Variants in SSH2 observed in about 807,000 individuals in gnomAD.
SSH2 encodes the protein slingshot protein phosphatase 2.
SSH2 carries 37 observed loss-of-function variants against 135.2 expected under a neutral mutation model. The ratio of observed to expected loss-of-function variants is 0.27; its 90% CI spans 0.21 to 0.36. The LOEUF is 0.36. Among genes scored for constraint, SSH2 ranks in the 10% least tolerant of loss-of-function variants. The pLI is 1.00. For synonymous variants in SSH2, 628 were observed against 646.2 expected (o/e 0.97, Z 0.43); for missense variants, 1,408 against 1,765.3 (o/e 0.80, Z 3.63).
At chr17:29,761,871 G>GTA (rs1194445461) in intron 3 of SSH2, among the ~76,000 whole-genome samples, 14 of 98,774 alleles carry the variant, frequency 1.4e-4, no homozygotes, top group African/African-American at 5.6e-4. Flanking sequence ...GTGTGTGTGT[G>GTA]TATATATATA....
At chr17:29,636,831 T>C in intron 14 of SSH2, 29 bp from the exon 15 acceptor site, 2 of 1,480,994 alleles carry the variant, frequency 1.4e-6, no homozygotes, top group Non-Finnish European at 1.8e-6. Flanking sequence ...GGAAGTATCT[T>C]AATCTGGTTT....
chr17:29,895,215 TATTTTATAAATAC>T (rs888869222), intron 1 of SSH2, among the ~76,000 whole-genome samples: 6 of 143,082 alleles, frequency 4.2e-5, no homozygotes, highest in African/African-American at 1.5e-4. Flanking sequence ...ATATTATATA[TATTTTATAAATAC>T]ATTTTATATA....
At chr17:29,665,339 C>T (rs1208865369) in intron 11 of SSH2, among the ~76,000 whole-genome samples, 1 of 152,186 alleles carries the variant, frequency 6.6e-6, no homozygotes, top group East Asian at 1.9e-4. Flanking sequence ...CAACTCACAG[C>T]TTTTCATGAG....
At chr17:29,884,949 G>T (rs920644435) in intron 1 of SSH2, among the ~76,000 whole-genome samples, 1 of 152,054 alleles carries the variant, frequency 6.6e-6, no homozygotes, top group African/African-American at 2.4e-5. Context: ...TTTGTGTCAG[G>T]GTTACCTGTG....
intron 1 of SSH2, among the ~76,000 whole-genome samples, chr17:29,849,944 C>T (rs764308281): frequency 2.8e-5 from 4 of 144,302 alleles, no homozygotes; most frequent in South Asian, 4.4e-4. Flanking sequence ...GCAGGAGAAT[C>T]GCATGAACCC....
chr17:29,644,089 C>A (rs116342039), intron 14 of SSH2, among the ~76,000 whole-genome samples: 189 of 152,228 alleles, frequency 1.2e-3, no homozygotes, highest in African/African-American at 4.4e-3. Context: ...TTTTTTGTTT[C>A]TTTTTAAAGG....
In SSH2 at chr17:29,630,126, C is replaced by T. The variant is rs1374834206; in HGVS notation, c.*715G>A. On this transcript the variant is annotated 3_prime_UTR_variant, in exon 16 of 16. Transcript: ENST00000540801. ...ACCCCCAACTTTATGTCTTCCTCCT[C>T]TTATCATGCTTTCCTCTACAGAAGA... The T allele has an allele frequency of 6.6e-6, 1 of 152,232 alleles. No individual in the cohort carries two copies. Among genetic ancestry groups the T allele is most frequent in the Non-Finnish European group, 1.5e-5 (1 of 68,038 alleles). 9.4% of individuals were successfully genotyped at this position (152,232 alleles called of 1,614,324 possible).
intron 2 of SSH2, among the ~76,000 whole-genome samples, chr17:29,820,970 T>C (rs558061002): frequency 3.3e-4 from 50 of 152,152 alleles, no homozygotes; most frequent in Non-Finnish European, 5.4e-4. Flanking sequence ...TTCATTTCTC[T>C]CATATGCCCT....
chr17:29,631,312 G>A lies in SSH2; in HGVS notation c.3882C>T (p.Asp1294=). ...SASLAKLGYL[D]LCKDCLPERE... ...TCTCTGGTAAGCAGTCTTTACAGAG[G>A]TCCAAGTAACCTAATTTGGCGAGAG... Residue 1294 remains aspartate (D), a synonymous_variant, in exon 16 of 16, where the codon GAC becomes GAT. Transcript: ENST00000540801. 1.2e-6 allele frequency: 2 copies of A among 1,614,112 alleles called. No homozygotes were observed. The highest frequency in any genetic ancestry group is 1.7e-6 in the Non-Finnish European group (2 of 1,180,026).
At chr17:29,661,906 T>C (rs1333475884) in intron 11 of SSH2, among the ~76,000 whole-genome samples, 1 of 152,182 alleles carries the variant, frequency 6.6e-6, no homozygotes, top group African/African-American at 2.4e-5. Flanking sequence ...TGGGCTACAC[T>C]TAGGGCTGCT....
intron 3 of SSH2, among the ~76,000 whole-genome samples, chr17:29,778,497 G>A (rs1393790216): frequency 7.2e-5 from 11 of 151,912 alleles, no homozygotes; most frequent in African/African-American, 4.8e-5. Flanking sequence ...AAAATCAGCC[G>A]GGCATGGTGA....
At chr17:29,855,512 A>C (rs2065647098) in intron 1 of SSH2, among the ~76,000 whole-genome samples, 1 of 152,168 alleles carries the variant, frequency 6.6e-6, no homozygotes, top group African/African-American at 2.4e-5. Context: ...CTCAAAAAAT[A>C]AAAAGAAAAA....
chr17:29,901,485 G>C (rs2066552844), intron 1 of SSH2, among the ~76,000 whole-genome samples: 1 of 152,054 alleles, frequency 6.6e-6, no homozygotes, highest in African/African-American at 2.4e-5. Flanking sequence ...TAGTCAAAAA[G>C]GCAAACATTA....
chr17:29,919,945 T>G (rs995533149), intron 1 of SSH2, among the ~76,000 whole-genome samples: 1 of 152,158 alleles, frequency 6.6e-6, no homozygotes, highest in African/African-American at 2.4e-5. Flanking sequence ...GTTTCCCTCT[T>G]GTTGCCCAGG....
intron 1 of SSH2, among the ~76,000 whole-genome samples, chr17:29,869,489 C>T (rs2065905864): frequency 6.6e-6 from 1 of 152,126 alleles, no homozygotes; most frequent in East Asian, 1.9e-4. Context: ...AGAGAAACAC[C>T]TTGGGTCTCT....
At chr17:29,781,784 CT>C (rs1201072570) in intron 3 of SSH2, among the ~76,000 whole-genome samples, 2 of 151,360 alleles carry the variant, frequency 1.3e-5, no homozygotes, top group East Asian at 1.9e-4. Flanking sequence ...AGCCCAATAA[CT>C]TTTTTTCTTT....
Position 29,631,158 on chromosome 17 carries a change from G to C in SSH2, c.4036C>G (p.Pro1346Ala), listed in dbSNP as rs778695314. The change falls in exon 16 of 16, where the codon CCC becomes GCC. Residue 1346 changes from proline to alanine, a missense_variant. Coordinates refer to ENST00000540801, the MANE Select transcript of SSH2 (RefSeq NM_001282129.2). ...ENPGAPHNPE[P>A]TKSFVEQLTT... ...AGTTGTTCTACAAAAGACTTGGTGG[G>C]CTCTGGGTTGTGGGGGGCACCTGGG... 1.2e-6 allele frequency: 2 copies of C among 1,614,194 alleles called. No homozygotes were observed. Among genetic ancestry groups the C allele is most frequent in the African/African-American group, 2.7e-5 (2 of 75,038 alleles).
intron 3 of SSH2, among the ~76,000 whole-genome samples, chr17:29,753,759 C>T (rs1443883625): frequency 6.8e-6 from 1 of 146,380 alleles, no homozygotes; most frequent in Admixed American, 6.9e-5. Context: ...TGCCACTGTA[C>T]TCCAGCCTGG....
chr17:29,927,744 A>G (rs948110645), intron 1 of SSH2, among the ~76,000 whole-genome samples: 1 of 152,242 alleles, frequency 6.6e-6, no homozygotes, highest in African/African-American at 2.4e-5. Context: ...AAGAGAAAGG[A>G]AGCTGGCTTA....
Sources: allele counts gnomAD v4.1 joint callset (sites outside exome capture counted in the v4.1 genomes callset), GRCh38; gene constraint gnomAD v4.1.1; transcripts MANE v1.5; gene names NCBI Gene and HGNC (gene_info 2026-07-23, HGNC 2026-07-21).